SYNPO2: variants seen among roughly 807,000 people sequenced by gnomAD.
The protein encoded by SYNPO2 is synaptopodin 2.
In SYNPO2, 56 loss-of-function variants were observed where a neutral mutation model predicts 85.0. The ratio of observed to expected loss-of-function variants is 0.66; its 90% CI spans 0.53 to 0.82. SYNPO2 has a LOEUF of 0.82. Among genes scored for constraint, SYNPO2 ranks in the 40% least tolerant of loss-of-function variants. The pLI is 0.00. For missense variants in SYNPO2, 1,575 were observed against 1,534.2 expected (o/e 1.03, Z -0.44); for synonymous variants, 602 against 591.1 (o/e 1.02, Z -0.27).
intron 1 of SYNPO2, among the ~76,000 whole-genome samples, chr4:118,960,367 T>C (rs1735036505): frequency 6.6e-6 from 1 of 152,158 alleles, no homozygotes; most frequent in Admixed American, 6.5e-5. Flanking sequence ...TCAGAATTGC[T>C]AAAATAAAAA....
At chr4:118,851,229 T>A (rs985087141) in intron 1 of SYNPO2, among the ~76,000 whole-genome samples, 1 of 152,158 alleles carries the variant, frequency 6.6e-6, no homozygotes, top group African/African-American at 2.4e-5. Context: ...TTTAAGACAG[T>A]CTTTCAACAA....
upstream of SYNPO2, among the ~76,000 whole-genome samples, chr4:118,883,980 C>G (rs1310735043): frequency 1.3e-5 from 2 of 152,144 alleles, no homozygotes; most frequent in East Asian, 3.9e-4. Context: ...GAAACATCAG[C>G]ATGTTTGCAT....
intron 1 of SYNPO2, among the ~76,000 whole-genome samples, chr4:118,956,387 A>G (rs1240866151): frequency 6.6e-6 from 1 of 152,232 alleles, no homozygotes; most frequent in Non-Finnish European, 1.5e-5. Flanking sequence ...CAACCGTTCC[A>G]AAAGTTGCAG....
At chr4:118,940,777 A>T (rs1734283122) in intron 1 of SYNPO2, among the ~76,000 whole-genome samples, 1 of 152,172 alleles carries the variant, frequency 6.6e-6, no homozygotes, top group Non-Finnish European at 1.5e-5. Context: ...TGAGGCTGGG[A>T]GGAAGTGGAG....
At chr4:118,983,766 T>C (rs1371077182) in intron 1 of SYNPO2, among the ~76,000 whole-genome samples, 1 of 143,004 alleles carries the variant, frequency 7.0e-6, no homozygotes, top group African/African-American at 2.6e-5. Flanking sequence ...TCCTCAGTAA[T>C]ATTTCTAACA....
intron 1 of SYNPO2, among the ~76,000 whole-genome samples, chr4:118,980,935 A>T (rs1373170757): frequency 6.6e-6 from 1 of 152,220 alleles, no homozygotes; most frequent in Non-Finnish European, 1.5e-5. Context: ...CGACTTGCTC[A>T]CAGTCACATA....
At chr4:119,045,744 A>C (rs889182959) in intron 4 of SYNPO2, among the ~76,000 whole-genome samples, 2 of 152,210 alleles carry the variant, frequency 1.3e-5, no homozygotes, top group African/African-American at 4.8e-5. Flanking sequence ...ATAAACTTAA[A>C]TAAGGCTGTT....
At chr4:118,937,925 A>G (rs1311445489) in intron 1 of SYNPO2, among the ~76,000 whole-genome samples, 5 of 152,224 alleles carry the variant, frequency 3.3e-5, no homozygotes, top group Non-Finnish European at 5.9e-5. Context: ...CCTCCCATAT[A>G]CTTAAATCAT....
chr4:118,974,797 G>C (rs986103128), intron 1 of SYNPO2, among the ~76,000 whole-genome samples: 5 of 152,148 alleles, frequency 3.3e-5, no homozygotes, highest in African/African-American at 4.8e-5. Flanking sequence ...CTAAGGTGCA[G>C]TTTGCTTCAA....
chr4:119,021,740 C>T (rs773032510), intron 1 of SYNPO2, among the ~76,000 whole-genome samples: 7 of 152,176 alleles, frequency 4.6e-5, no homozygotes, highest in Admixed American at 6.5e-5. Context: ...GAGCAGGAAA[C>T]TATTATCACT....
rs186353009 is a variant in SYNPO2 at position 118,991,307 on chromosome 4, C to A, written c.106-32123C>A. Among the ~76,000 whole-genome samples the A allele has an allele frequency of 3.2e-4, 48 of 152,224 alleles. 1 individual carries two copies. The highest frequency in any genetic ancestry group is 1.2e-3 in the African/African-American group (48 of 41,546). On this transcript the variant is annotated intron_variant, in intron 1 of 4. Transcript: ENST00000307142. ...CGATTACAGGCACGCACCACCGCAC[C>A]TGGCTAATTTTTGTATTTTTAGTAG... is the stretch of plus-strand genomic sequence containing the variant.
chr4:118,860,413 T>G (rs1253547331), intron 1 of SYNPO2, among the ~76,000 whole-genome samples: 1 of 151,912 alleles, frequency 6.6e-6, no homozygotes, highest in South Asian at 2.1e-4. Flanking sequence ...CTGGCTACTT[T>G]TTGTGTTTTT....
rs115576625 is a variant in SYNPO2, at chr4:118,879,685, C to T, written c.12+28745C>T. 5.7e-3 allele frequency among the ~76,000 whole-genome samples: 863 copies of T among 152,216 alleles called. 10 individuals carry two copies. The highest frequency in any genetic ancestry group is 0.02 in the African/African-American group (821 of 41,522). ...ATGGCAGTCCAAAGAGACTAAAACACGAGGGGCTGCAAAGGTCTTGGGGTT... is the reference window on the plus strand; with the variant it reads ...ATGGCAGTCCAAAGAGACTAAAACATGAGGGGCTGCAAAGGTCTTGGGGTT... On this transcript the variant is annotated intron_variant, in intron 1 of 4. Coordinates refer to the SYNPO2 transcript ENST00000610556.
intron 1 of SYNPO2, among the ~76,000 whole-genome samples, chr4:119,004,173 A>G (rs1442155077): frequency 6.6e-6 from 1 of 152,126 alleles, no homozygotes; most frequent in African/African-American, 2.4e-5. Context: ...TCTCTAACTT[A>G]GGGTTCACTA....
At chr4:118,995,198 G>A (rs1389000348) in intron 1 of SYNPO2, among the ~76,000 whole-genome samples, 1 of 152,104 alleles carries the variant, frequency 6.6e-6, no homozygotes, top group Non-Finnish European at 1.5e-5. Context: ...ATCCCAGCCT[G>A]TAGGTCTCAT....
chr4:118,960,206 T>C (rs538584186), intron 1 of SYNPO2, among the ~76,000 whole-genome samples: 1 of 152,154 alleles, frequency 6.6e-6, no homozygotes, highest in African/African-American at 2.4e-5. Flanking sequence ...GAACTGTGAA[T>C]GAAAAAATGT....
At chr4:119,056,229 G>C (rs147674099) in intron 4 of SYNPO2, among the ~76,000 whole-genome samples, 124 of 152,292 alleles carry the variant, frequency 8.1e-4, no homozygotes, top group African/African-American at 3.0e-3. Flanking sequence ...AGTAAAAGGA[G>C]AGAATGAGAA....
Position 119,060,534 on chromosome 4 carries a change from T to G in SYNPO2, c.*2600T>G, listed in dbSNP as rs182282883. 6.6e-6 allele frequency: 1 copy of G among 152,218 alleles called. No individual in the cohort carries two copies. The highest frequency in any genetic ancestry group is 1.9e-4 in the East Asian group (1 of 5,188). 9.4% of individuals were successfully genotyped at this position (152,218 alleles called of 1,614,324 possible). A position where few individuals can be genotyped will look rare whatever the true frequency, so the allele number is the denominator to read the frequency against. On this transcript the variant is annotated 3_prime_UTR_variant, in exon 5 of 5. Transcript: ENST00000307142. ...GGTTGAGACAAGACACCTGCCAGAGTGAAGTTTGATTCCTATGGGTGAGAA... is the reference window on the plus strand; with the variant it reads ...GGTTGAGACAAGACACCTGCCAGAGGGAAGTTTGATTCCTATGGGTGAGAA...
chr4:118,965,151 G>A (rs559698810), intron 1 of SYNPO2, among the ~76,000 whole-genome samples: 3 of 152,206 alleles, frequency 2.0e-5, no homozygotes, highest in Admixed American at 6.5e-5. Flanking sequence ...CACACACAAA[G>A]CAATCATAAA....
Sources: allele counts gnomAD v4.1 joint callset (sites outside exome capture counted in the v4.1 genomes callset), GRCh38; gene constraint gnomAD v4.1.1; transcripts MANE v1.5; gene names NCBI Gene and HGNC (gene_info 2026-07-23, HGNC 2026-07-21).